Variants in TANC2 observed in about 807,000 individuals in gnomAD.
TANC2 encodes tetratricopeptide repeat, ankyrin repeat and coiled-coil containing 2, also known as protein TANC2.
In TANC2, 26 loss-of-function variants were observed where a neutral mutation model predicts 210.5. The observed-to-expected ratio is 0.12, with a 90% CI of 0.09 to 0.17. The LOEUF (loss-of-function observed/expected upper bound fraction) is 0.17. TANC2 is among the 10% of genes least tolerant of loss of function. The pLI, the probability that TANC2 is intolerant of heterozygous loss-of-function variation, is 1.00. For missense variants in TANC2, 2,129 were observed against 2,608.9 expected (o/e 0.82, Z 4.01); for synonymous variants, 931 against 967.1 (o/e 0.96, Z 0.69).
chr17:63,073,996 C>G, exon 3 of TANC2: 1 of 1,582,588 alleles, frequency 6.3e-7, no homozygotes, highest in Non-Finnish European at 8.6e-7. Context: ...AGACTCTCGC[C>G]AAAGCCGCTC....
chr17:63,051,777 G>A (rs2035591351), intron 2 of TANC2, among the ~76,000 whole-genome samples: 4 of 152,144 alleles, frequency 2.6e-5, no homozygotes, highest in South Asian at 4.1e-4. Context: ...CACTTTATTA[G>A]AAGATAGTGT....
In TANC2 at chr17:62,985,741, A is replaced by G. The variant is rs193140207; in HGVS notation, c.-24+18992A>G. Among the ~76,000 whole-genome samples, 288 of 152,252 alleles carry G rather than the reference A, an allele frequency of 1.9e-3. 7 individuals are homozygous for G. Among genetic ancestry groups the G allele is most frequent in the Admixed American group, 0.019 (286 of 15,306 alleles). On this transcript the variant is annotated intron_variant, in intron 1 of 27. Transcript: ENST00000689528. ...CTGTCTTATGATACCTATCTCTGTT[A>G]AATTTCTCATTCAAGTTATCAATAA...
intron 1 of TANC2, among the ~76,000 whole-genome samples, chr17:62,980,798 A>G (rs749908514): frequency 6.6e-6 from 1 of 152,208 alleles, no homozygotes; most frequent in Non-Finnish European, 1.5e-5. Context: ...TCTAGTACCC[A>G]AGAGTCTTAA....
At chr17:63,377,856 A>G (rs1400177991) in intron 14 of TANC2, among the ~76,000 whole-genome samples, 1 of 152,234 alleles carries the variant, frequency 6.6e-6, no homozygotes, top group Non-Finnish European at 1.5e-5. Context: ...CAGGAAACTT[A>G]TCATGGCAGA....
intron 4 of TANC2, chr17:63,148,575 G>A (rs1278596495): frequency 1.3e-5 from 2 of 152,080 alleles, no homozygotes; most frequent in East Asian, 1.9e-4. Context: ...CATAAGAATC[G>A]ATGTTCCCAG....
At chr17:63,391,530 G>T (rs2047973065) in intron 17 of TANC2, 1 of 152,022 alleles carries the variant, frequency 6.6e-6, no homozygotes. Flanking sequence ...TTTTTTAAAA[G>T]AGGTGTTAAA....
chr17:63,063,674 TTGTG>T (rs371281397), intron 2 of TANC2, among the ~76,000 whole-genome samples: 44 of 137,494 alleles, frequency 3.2e-4, no homozygotes, highest in Non-Finnish European at 6.4e-4. Flanking sequence ...TTACCCAGTA[TTGTG>T]TGTGTGTGTG....
intron 5 of TANC2, among the ~76,000 whole-genome samples, chr17:63,171,780 A>G (rs2040413609): frequency 6.6e-6 from 1 of 152,254 alleles, no homozygotes; most frequent in Non-Finnish European, 1.5e-5. Flanking sequence ...TCTACATATT[A>G]AAGACTTACT....
chr17:63,316,446 G>A lies in TANC2; in HGVS notation c.1441+1777G>A, dbSNP rs150683543. On this transcript the variant is annotated intron_variant, in intron 10 of 27. Coordinates refer to ENST00000689528, the Ensembl canonical transcript of TANC2. ...CTGGGGATCTCTCTATGAGCCTGGG[G>A]GAGCAAAAGTTTATAGAAAACAGCC... 5.9e-3 allele frequency among the ~76,000 whole-genome samples: 900 copies of A among 152,198 alleles called. 8 individuals carry two copies. Among genetic ancestry groups the A allele is most frequent in the African/African-American group, 0.02 (848 of 41,522 alleles).
chr17:63,104,878 C>G (rs1344327105), intron 4 of TANC2, among the ~76,000 whole-genome samples: 1 of 150,072 alleles, frequency 6.7e-6, no homozygotes, highest in East Asian at 1.9e-4. Context: ...TTTAAAGTCT[C>G]TGTACTTCAA....
At chr17:63,269,290 C>T (rs1052462907) in intron 9 of TANC2, among the ~76,000 whole-genome samples, 2 of 152,084 alleles carry the variant, frequency 1.3e-5, no homozygotes, top group Non-Finnish European at 2.9e-5. Context: ...ATACCAGTTG[C>T]ATGGCATATG....
chr17:63,340,397 C>A, intron 12 of TANC2, 65 bp downstream of exon 12: 1 of 1,342,698 alleles, frequency 7.4e-7, no homozygotes, highest in Non-Finnish European at 1.0e-6. Context: ...CCGGGTCATA[C>A]TATAAAAATG....
At chr17:63,312,539 G>A (rs374634650) in intron 9 of TANC2, among the ~76,000 whole-genome samples, 14 of 152,202 alleles carry the variant, frequency 9.2e-5, no homozygotes, top group Admixed American at 2.6e-4. Flanking sequence ...GCTCATTGAC[G>A]TAAAGATGGT....
At chr17:63,354,012 C>T (rs952461312) in intron 13 of TANC2, among the ~76,000 whole-genome samples, 2 of 152,028 alleles carry the variant, frequency 1.3e-5, no homozygotes, top group Non-Finnish European at 2.9e-5. Flanking sequence ...AAAATGGGAA[C>T]AGAGATACAG....
intron 12 of TANC2, among the ~76,000 whole-genome samples, chr17:63,343,258 A>G (rs2046298292): frequency 6.6e-6 from 1 of 152,248 alleles, no homozygotes; most frequent in South Asian, 2.1e-4. Flanking sequence ...AAAAGGATAG[A>G]GACTGTATAA....
In TANC2 at chr17:63,253,902, G is replaced by T. The variant is rs571886359; in HGVS notation, c.1034-13846G>T. Among the ~76,000 whole-genome samples the T allele has an allele frequency of 3.9e-5, 6 of 152,240 alleles. No individual in the cohort carries two copies. The South Asian group carries it at 1.2e-3, about 32-fold the overall frequency. ...GGGCTCAAGCAGTCAGCCTGCCTCG[G>T]TCTCCCAAAGTGCTGGGATTACAAG... On this transcript the variant is annotated intron_variant, in intron 8 of 27. Transcript: ENST00000689528.
chr17:63,403,230 T>A (rs1214898294), intron 19 of TANC2, among the ~76,000 whole-genome samples: 1 of 152,232 alleles, frequency 6.6e-6, no homozygotes, highest in Non-Finnish European at 1.5e-5. Flanking sequence ...TGAAATTCTG[T>A]ATTTTCTCTA....
intron 17 of TANC2, chr17:63,391,848 T>A (rs909883526): frequency 6.7e-6 from 1 of 149,960 alleles, no homozygotes; most frequent in Non-Finnish European, 1.5e-5. Context: ...TGCCTCAGCC[T>A]CCCAAGTAGC....
chr17:63,291,279 T>C (rs906940302), intron 9 of TANC2, among the ~76,000 whole-genome samples: 4 of 152,258 alleles, frequency 2.6e-5, no homozygotes, highest in Non-Finnish European at 4.4e-5. Flanking sequence ...TCTTTTATTA[T>C]ATAGTACAGA....
Sources: allele counts gnomAD v4.1 joint callset (sites outside exome capture counted in the v4.1 genomes callset), GRCh38; gene constraint gnomAD v4.1.1; transcripts MANE v1.5; gene names NCBI Gene and HGNC (gene_info 2026-07-23, HGNC 2026-07-21).